The following NWD1 variants were observed in gnomAD, a reference collection of about 807,000 sequenced individuals.
The protein encoded by NWD1 is NACHT domain- and WD repeat-containing protein 1.
Under a neutral mutation model 135.1 loss-of-function variants are expected in NWD1, and 129 were observed. The observed-to-expected ratio is 0.96, with a 90% CI of 0.83 to 1.11. The LOEUF (loss-of-function observed/expected upper bound fraction) is 1.11. Among genes scored for constraint, NWD1 ranks in the 50% least tolerant of loss-of-function variants. The pLI, the probability that NWD1 is intolerant of heterozygous loss-of-function variation, is 0.00. For missense variants in NWD1, 1,740 were observed against 1,851.3 expected, an observed-to-expected ratio of 0.94 and a Z score of 1.10; for synonymous variants, 773 against 786.0, an observed-to-expected ratio of 0.98 and a Z score of 0.28.
intron 8 of NWD1, among the ~76,000 whole-genome samples, chr19:16,762,930 T>G (rs1296504236): frequency 6.6e-6 from 1 of 151,892 alleles, no homozygotes; most frequent in Non-Finnish European, 1.5e-5. Context: ...ACTACAGGTG[T>G]GTGCCACTGC....
Position 16,773,233 on chromosome 19 carries a change from T to C in NWD1, c.2518T>C (p.Leu840=), listed in dbSNP as rs1969476979. Reference sequence around the variant, plus strand: ...CCAACAGGCCCAGAGCTGGTTCCAGTTGTGCGCACACCCTGTGCTGGTGCC... The same window carrying C: ...CCAACAGGCCCAGAGCTGGTTCCAGCTGTGCGCACACCCTGTGCTGGTGCC... ...LCQQAQSWFQ[L]CAHPVLVPLG... The change falls in exon 11 of 19, where the codon TTG becomes CTG. Residue 840 remains leucine, a synonymous_variant. Coordinates refer to ENST00000524140, the MANE Select transcript of NWD1 (RefSeq NM_001007525.5). The C allele has an allele frequency of 1.2e-6, 2 of 1,613,650 alleles. No homozygotes were observed. Among genetic ancestry groups the C allele is most frequent in the African/African-American group, 2.7e-5 (2 of 74,918 alleles).
chr19:16,772,514 C>T (rs1000207150), intron 10 of NWD1, among the ~76,000 whole-genome samples: 2 of 152,090 alleles, frequency 1.3e-5, no homozygotes, highest in Admixed American at 6.6e-5. Flanking sequence ...GGCCTGGTGG[C>T]GGGCACCTGT....
intron 18 of NWD1, among the ~76,000 whole-genome samples, chr19:16,812,486 T>C (rs1250443081): frequency 1.3e-5 from 2 of 151,810 alleles, no homozygotes; most frequent in East Asian, 3.9e-4. Context: ...CTGGCCAACA[T>C]GGTGAAACCC....
At chr19:16,787,178 G>A (rs948777571) in intron 12 of NWD1, among the ~76,000 whole-genome samples, 2 of 151,980 alleles carry the variant, frequency 1.3e-5, no homozygotes, top group African/African-American at 4.8e-5. Context: ...TGAGGCTGGA[G>A]TGCAGAGGAG....
At chr19:16,724,278 AT>A (rs1421960156) in intron 1 of NWD1, 87 bp from the exon 2 acceptor site, 1 of 152,338 alleles carries the variant, frequency 6.6e-6, no homozygotes, top group Non-Finnish European at 1.5e-5. Context: ...TATTTTCGGC[AT>A]TAATTTTGAT....
chr19:16,749,304 A>G lies in NWD1; in HGVS notation c.662A>G (p.Gln221Arg). 1 of 1,613,944 alleles carries G rather than the reference A, an allele frequency of 6.2e-7. No homozygotes were observed. The highest frequency in any genetic ancestry group is 8.5e-7 in the Non-Finnish European group (1 of 1,180,018). Residue 221 changes from glutamine (Q) to arginine (R), a missense_variant, in exon 6 of 19, where the codon CAG becomes CGG. Transcript: ENST00000524140. Reference protein sequence around the residue: ...LADGCLDADAQNLLSSLKSHI... With the variant: ...LADGCLDADARNLLSSLKSHI... ...GATGGCTGCCTGGACGCTGATGCCCAGAACCTTCTCAGCAGCCTCAAAAGT... is the reference window on the plus strand; with the variant it reads ...GATGGCTGCCTGGACGCTGATGCCCGGAACCTTCTCAGCAGCCTCAAAAGT...
At chr19:16,813,469 GTTTTTGT>G (rs1037063202) in intron 18 of NWD1, among the ~76,000 whole-genome samples, 29 of 151,988 alleles carry the variant, frequency 1.9e-4, no homozygotes, top group South Asian at 4.2e-4. Context: ...GAAGCAGCCT[GTTTTTGT>G]TTTTTGTTTT....
At chr19:16,782,816 C>T (rs1969900501) in intron 12 of NWD1, among the ~76,000 whole-genome samples, 2 of 151,888 alleles carry the variant, frequency 1.3e-5, no homozygotes, top group Non-Finnish European at 2.9e-5. Flanking sequence ...GAGATCCTGT[C>T]TTTTGGTTGT....
At chr19:16,742,881 C>CTATTATTATTAT (rs34646876) in intron 4 of NWD1, among the ~76,000 whole-genome samples, 12 of 132,954 alleles carry the variant, frequency 9.0e-5, no homozygotes, top group South Asian at 2.6e-4. Context: ...ACTATGTTGC[C>CTATTATTATTAT]TATTATTATT....
intron 4 of NWD1, among the ~76,000 whole-genome samples, chr19:16,737,194 C>T (rs1002074598): frequency 2.6e-5 from 4 of 152,076 alleles, no homozygotes; most frequent in Admixed American, 2.6e-4. Flanking sequence ...TGCACCCCTT[C>T]TATCAAAAAA....
intron 9 of NWD1, 68 bp downstream of exon 9, chr19:16,764,013 C>G: frequency 2.1e-6 from 2 of 962,040 alleles, no homozygotes; most frequent in South Asian, 2.6e-5. Context: ...CTTCTAGAGC[C>G]TGGGGAGGGT....
chr19:16,811,655 T>G (rs1970928888), intron 18 of NWD1, among the ~76,000 whole-genome samples: 1 of 151,932 alleles, frequency 6.6e-6, no homozygotes, highest in Admixed American at 6.6e-5. Flanking sequence ...GTCCTACAAT[T>G]GTTCCTTTCA....
At chr19:16,780,828 T>G (rs1969828581) in intron 12 of NWD1, among the ~76,000 whole-genome samples, 1 of 151,982 alleles carries the variant, frequency 6.6e-6, no homozygotes, top group Non-Finnish European at 1.5e-5. Context: ...TGGCTGATTT[T>G]TGTATTTTTT....
intron 18 of NWD1, among the ~76,000 whole-genome samples, chr19:16,812,560 T>C (rs1229146072): frequency 1.3e-5 from 2 of 151,762 alleles, no homozygotes; most frequent in South Asian, 2.1e-4. Flanking sequence ...TCCTAGCTAC[T>C]TGGGAGGCTG....
At chr19:16,742,524 C>T (rs1968127270) in intron 4 of NWD1, among the ~76,000 whole-genome samples, 1 of 152,058 alleles carries the variant, frequency 6.6e-6, no homozygotes, top group Non-Finnish European at 1.5e-5. Context: ...TGTTCCATCC[C>T]CAGGCCCCTG....
At chr19:16,747,291 T>C (rs1023682250) in intron 5 of NWD1, among the ~76,000 whole-genome samples, 2 of 151,576 alleles carry the variant, frequency 1.3e-5, no homozygotes, top group African/African-American at 4.8e-5. Context: ...CGCCTTGGCC[T>C]CCCAAAGTGC....
At chr19:16,781,208 T>G (rs1969842505) in intron 12 of NWD1, among the ~76,000 whole-genome samples, 1 of 152,184 alleles carries the variant, frequency 6.6e-6, no homozygotes, top group Admixed American at 6.6e-5. Flanking sequence ...GATGGAAAAC[T>G]ATTCATTCTT....
chr19:16,797,113 G>C (rs1454662644), intron 15 of NWD1, among the ~76,000 whole-genome samples: 2 of 151,202 alleles, frequency 1.3e-5, no homozygotes, highest in Non-Finnish European at 2.9e-5. Flanking sequence ...CCAGGAGGCA[G>C]AGGTTGCAGT....
chr19:16,721,227 G>T (rs1317393558), intron 1 of NWD1, among the ~76,000 whole-genome samples: 1 of 151,942 alleles, frequency 6.6e-6, no homozygotes, highest in African/African-American at 2.4e-5. Flanking sequence ...GTGGGGGCCG[G>T]AAATGCTTTG....
Sources: allele counts gnomAD v4.1 joint callset (sites outside exome capture counted in the v4.1 genomes callset), GRCh38; gene constraint gnomAD v4.1.1; transcripts MANE v1.5; gene names NCBI Gene and HGNC (gene_info 2026-07-23, HGNC 2026-07-21).